RSBN1L: variants seen among roughly 807,000 people sequenced by gnomAD.
RSBN1L encodes the protein round spermatid basic protein 1 like, also known as lysine-specific demethylase RSBN1L.
Under a neutral mutation model 67.7 loss-of-function variants are expected in RSBN1L, and 30 were observed. That is an observed-to-expected ratio of 0.44 (90% CI 0.33 to 0.60). The LOEUF is 0.60. Ranked by LOEUF, RSBN1L falls within the 20% of genes least tolerant of loss-of-function variation. The pLI, the probability that RSBN1L is intolerant of heterozygous loss-of-function variation, is 0.02. For synonymous variants in RSBN1L, 433 were observed against 387.0 expected (o/e 1.12, Z -1.39); for missense variants, 992 against 1,031.7 (o/e 0.96, Z 0.53).
chr7:77,739,723 A>AT (rs1228563887), intron 2 of RSBN1L, among the ~76,000 whole-genome samples: 1 of 140,326 alleles, frequency 7.1e-6, no homozygotes, highest in Non-Finnish European at 1.5e-5. Context: ...AAAAAAAAAA[A>AT]AAAAAAAAAA....
chr7:77,701,345 C>T (rs1790816162), intron 1 of RSBN1L, among the ~76,000 whole-genome samples: 1 of 151,968 alleles, frequency 6.6e-6, no homozygotes, highest in African/African-American at 2.4e-5. Flanking sequence ...TTCCGGATCT[C>T]ATGCCTTCCT....
chr7:77,705,872 C>T (rs1248261470), intron 1 of RSBN1L, among the ~76,000 whole-genome samples: 1 of 151,712 alleles, frequency 6.6e-6, no homozygotes, highest in African/African-American at 2.4e-5. Flanking sequence ...ATATCCAATT[C>T]CCTAATTGTC....
At chr7:77,727,152 C>CGA (rs1791215096) in intron 1 of RSBN1L, among the ~76,000 whole-genome samples, 1 of 150,034 alleles carries the variant, frequency 6.7e-6, no homozygotes, top group Non-Finnish European at 1.5e-5. Context: ...CAGTGGCACT[C>CGA]TCTTGGCTCA....
chr7:77,731,883 G>A (rs1791276730), intron 1 of RSBN1L, among the ~76,000 whole-genome samples: 1 of 151,364 alleles, frequency 6.6e-6, no homozygotes, highest in South Asian at 2.1e-4. Context: ...AGTTGTTCCA[G>A]TACCGTTTGT....
intron 1 of RSBN1L, among the ~76,000 whole-genome samples, chr7:77,718,038 G>T (rs1187820154): frequency 6.6e-6 from 1 of 152,078 alleles, no homozygotes; most frequent in Non-Finnish European, 1.5e-5. Context: ...AGGGAGAAGA[G>T]ATGTAGGAGA....
At chr7:77,737,398 T>C (rs1476141050) in intron 2 of RSBN1L, among the ~76,000 whole-genome samples, 2 of 152,208 alleles carry the variant, frequency 1.3e-5, no homozygotes, top group Admixed American at 6.5e-5. Context: ...CGACACTGCA[T>C]ATGTAGCAAA....
At chr7:77,730,055 A>G (rs1791254549) in intron 1 of RSBN1L, among the ~76,000 whole-genome samples, 1 of 152,180 alleles carries the variant, frequency 6.6e-6, no homozygotes, top group Admixed American at 6.5e-5. Flanking sequence ...TGTTTAGCCC[A>G]TGTTCATTTT....
intron 1 of RSBN1L, among the ~76,000 whole-genome samples, chr7:77,707,896 T>G (rs2150412511): frequency 6.6e-6 from 1 of 152,328 alleles, no homozygotes; most frequent in East Asian, 1.9e-4. Flanking sequence ...GCACTTTACA[T>G]ATACTGTGGT....
intron 2 of RSBN1L, among the ~76,000 whole-genome samples, chr7:77,742,181 A>T (rs1386569832): frequency 4.9e-5 from 2 of 41,086 alleles, no homozygotes; most frequent in African/African-American, 5.3e-4. Flanking sequence ...AAAAAAAAAA[A>T]TACACACACA....
chr7:77,773,765 A>G (rs1791877273), intron 6 of RSBN1L, among the ~76,000 whole-genome samples: 1 of 151,990 alleles, frequency 6.6e-6, no homozygotes, highest in Non-Finnish European at 1.5e-5. Flanking sequence ...TCCATCTCGA[A>G]CAAAAACAAA....
rs777035604 is a variant in RSBN1L, at chr7:77,696,669, G to T, written c.200G>T (p.Arg67Met). The change falls in exon 1 of 8, where the codon AGG becomes ATG. Residue 67 changes from arginine to methionine, a missense_variant. Around this residue, in one of 7 missense-constraint regions of RSBN1L, gnomAD observed 575 missense variants for 483.2 expected, o/e 1.19. Coordinates refer to ENST00000334955, the MANE Select transcript of RSBN1L (RefSeq NM_198467.3). ...GAAGGGGGCAGCGGCGGGAACAGCA[G>T]GCAGCTGCAGCCGCCGGCAGCACCT... is the stretch of plus-strand genomic sequence containing the variant. ...NGEGGSGGNS[R>M]QLQPPAAPSP... The T allele has an allele frequency of 6.2e-7, 1 of 1,611,322 alleles. No homozygotes were observed. The highest frequency in any genetic ancestry group is 2.2e-5 in the East Asian group (1 of 44,846).
intron 2 of RSBN1L, among the ~76,000 whole-genome samples, chr7:77,739,235 T>C (rs1791376981): frequency 6.6e-6 from 1 of 152,222 alleles, no homozygotes. Context: ...CATTTACTAC[T>C]GTGTGCCACT....
intron 2 of RSBN1L, among the ~76,000 whole-genome samples, chr7:77,742,674 C>G (rs117667077): frequency 0.051 from 7,752 of 152,146 alleles, 305 homozygotes; most frequent in Non-Finnish European, 0.076. Context: ...CCCGATTCCA[C>G]TAAAAATACA....
intron 3 of RSBN1L, among the ~76,000 whole-genome samples, chr7:77,753,139 G>A (rs952769716): frequency 6.6e-6 from 1 of 152,188 alleles, no homozygotes; most frequent in Non-Finnish European, 1.5e-5. Flanking sequence ...ATGAGCATAT[G>A]TATGTGTTTC....
chr7:77,769,050 A>G (rs1374116597), intron 5 of RSBN1L, among the ~76,000 whole-genome samples: 3 of 152,254 alleles, frequency 2.0e-5, no homozygotes, highest in Non-Finnish European at 4.4e-5. Context: ...GATATAAACT[A>G]TTTTAGAATA....
chr7:77,699,651 T>A (rs1197770071), intron 1 of RSBN1L, among the ~76,000 whole-genome samples: 2 of 152,208 alleles, frequency 1.3e-5, no homozygotes, highest in African/African-American at 4.8e-5. Context: ...AGTATACTAA[T>A]ATGGCCCCAT....
rs1791944284 is a variant in RSBN1L, at chr7:77,778,217, A to C, written c.1794-121A>C. On this transcript the variant is annotated intron_variant, in intron 6 of 7. Transcript: ENST00000334955. ...AAATGGCTTTCCAATTAACAGTTTA[A>C]CTTTATTTGTAAGACAGTACTATGG... 3 of 607,052 alleles carry C rather than the reference A, an allele frequency of 4.9e-6. No homozygotes were observed. In the South Asian group the frequency reaches 8.4e-5, roughly 17 times the overall value. The allele number at this position is 607,052 out of a possible 1,614,324, so 37.6% of individuals were successfully genotyped here. A position where few individuals can be genotyped will look rare whatever the true frequency, so the allele number is the denominator to read the frequency against.
intron 2 of RSBN1L, among the ~76,000 whole-genome samples, chr7:77,740,758 T>C (rs1240069902): frequency 2.6e-5 from 4 of 152,156 alleles, no homozygotes; most frequent in Non-Finnish European, 4.4e-5. Flanking sequence ...CAACACATGC[T>C]GTCTTTGTTT....
At chr7:77,775,593 G>GT (rs1791903337) in intron 6 of RSBN1L, among the ~76,000 whole-genome samples, 1 of 152,064 alleles carries the variant, frequency 6.6e-6, no homozygotes, top group South Asian at 2.1e-4. Context: ...GTGTTGTTTA[G>GT]TTTCCAATAT....
Sources: allele counts gnomAD v4.1 joint callset (sites outside exome capture counted in the v4.1 genomes callset), GRCh38; gene constraint gnomAD v4.1.1; regional missense constraint gnomAD v4.1.1; transcripts MANE v1.5; gene names NCBI Gene and HGNC (gene_info 2026-07-23, HGNC 2026-07-21).